The following NTRK2 variants were observed in gnomAD, a reference collection of about 807,000 sequenced individuals.
NTRK2 encodes the protein BDNF/NT-3 growth factors receptor.
A neutral mutation model predicts 94.5 loss-of-function variants in NTRK2; 13 were observed. The observed-to-expected ratio is 0.14, with a 90% CI of 0.09 to 0.22. The LOEUF (loss-of-function observed/expected upper bound fraction) is 0.22, where lower values mean the gene tolerates loss of function less well. Among genes scored for constraint, NTRK2 ranks in the 10% least tolerant of loss-of-function variants. The pLI is 1.00. For missense variants in NTRK2, 639 were observed against 1,071.2 expected (o/e 0.60, Z 5.63); for synonymous variants, 372 against 407.4 (o/e 0.91, Z 1.05).
intron 14 of NTRK2, among the ~76,000 whole-genome samples, chr9:84,925,438 G>T (rs538298070): frequency 6.6e-5 from 10 of 152,032 alleles, no homozygotes; most frequent in Non-Finnish European, 1.0e-4. Flanking sequence ...ACCACCCAGG[G>T]TAGGCTGCCT....
At chr9:84,746,709 A>G (rs907637351) in intron 11 of NTRK2, among the ~76,000 whole-genome samples, 21 of 151,784 alleles carry the variant, frequency 1.4e-4, no homozygotes, top group Admixed American at 9.8e-4. Flanking sequence ...TGCTCTCTCC[A>G]GTGCTCCAGT....
chr9:85,022,863 G>C lies in NTRK2; in HGVS notation c.*1426G>C, dbSNP rs201234723. The C allele has an allele frequency of 4.3e-6, 1 of 233,316 alleles. No individual in the cohort carries two copies. The highest frequency in any genetic ancestry group is 8.5e-6 in the Non-Finnish European group (1 of 118,096). The allele number at this position is 233,316 out of a possible 1,614,324, so 14.5% of individuals were successfully genotyped here. ...CCACGTCGAACCCACAGGACTGTGG[G>C]AAGGGCAGAATCAATCCCTAAGGGA... is the stretch of plus-strand genomic sequence containing the variant. On this transcript the variant is annotated 3_prime_UTR_variant, in exon 19 of 19. Transcript: ENST00000277120.
At chr9:84,787,416 CG>C (rs775712868) in intron 12 of NTRK2, among the ~76,000 whole-genome samples, 1 of 152,068 alleles carries the variant, frequency 6.6e-6, no homozygotes, top group Admixed American at 6.6e-5. Flanking sequence ...ACTCTAGACC[CG>C]GGGGACATGG....
chr9:84,781,912 T>C (rs551699198), intron 12 of NTRK2, among the ~76,000 whole-genome samples: 2 of 152,316 alleles, frequency 1.3e-5, no homozygotes, highest in East Asian at 3.9e-4. Flanking sequence ...AAGTCATTTA[T>C]ATCAAGGCTC....
Position 84,701,930 on chromosome 9 carries a change from G to A in NTRK2, c.213-229G>A, listed in dbSNP as rs58344447. Among the ~76,000 whole-genome samples, 1,186 of 152,322 alleles carry A rather than the reference G, an allele frequency of 7.8e-3. 14 individuals are homozygous for A. The highest frequency in any genetic ancestry group is 0.028 in the African/African-American group (1,147 of 41,574). ...GTTGGGTGAAAGAGTGATGAAACAC[G>A]AGGAGAAATGAAACCCAGTGCAAGG... is the stretch of plus-strand genomic sequence containing the variant. On this transcript the variant is annotated intron_variant, in intron 2 of 18. Transcript: ENST00000277120.
chr9:84,835,883 T>A (rs186541023), intron 12 of NTRK2, among the ~76,000 whole-genome samples: 57 of 152,302 alleles, frequency 3.7e-4, no homozygotes, highest in African/African-American at 1.4e-3. Context: ...CAAATCCTAA[T>A]CTAATATAAA....
intron 14 of NTRK2, among the ~76,000 whole-genome samples, chr9:84,915,704 G>C (rs981286357): frequency 6.6e-6 from 1 of 152,152 alleles, no homozygotes; most frequent in African/African-American, 2.4e-5. Flanking sequence ...GTTGTACTTA[G>C]TGGGAAAAAT....
intron 12 of NTRK2, among the ~76,000 whole-genome samples, chr9:84,769,606 A>G (rs896771780): frequency 4.5e-4 from 68 of 152,360 alleles, no homozygotes; most frequent in African/African-American, 1.5e-3. Flanking sequence ...ATATGCACAT[A>G]TGAAAGAGCC....
chr9:84,690,288 T>C (rs921206725), intron 2 of NTRK2, among the ~76,000 whole-genome samples: 1 of 152,218 alleles, frequency 6.6e-6, no homozygotes, highest in African/African-American at 2.4e-5. Flanking sequence ...CTCTTTGCCA[T>C]GCTTGACCTA....
chr9:84,946,986 C>G (rs1044705720), intron 15 of NTRK2, among the ~76,000 whole-genome samples: 1 of 152,076 alleles, frequency 6.6e-6, no homozygotes, highest in Non-Finnish European at 1.5e-5. Flanking sequence ...GACAGAGTCT[C>G]GCTCTGTCGC....
intron 14 of NTRK2, among the ~76,000 whole-genome samples, chr9:84,931,700 G>A (rs1338439786): frequency 1.4e-5 from 2 of 139,986 alleles, no homozygotes; most frequent in Non-Finnish European, 3.1e-5. Context: ...AAAGAAAGAA[G>A]GTATGTAATA....
chr9:84,893,551 G>A (rs1423533525), intron 14 of NTRK2, among the ~76,000 whole-genome samples: 3 of 151,610 alleles, frequency 2.0e-5, no homozygotes, highest in South Asian at 4.2e-4. Flanking sequence ...GCAGGGCAGC[G>A]TGTGACAGAG....
intron 9 of NTRK2, among the ~76,000 whole-genome samples, chr9:84,735,049 C>T (rs763057350): frequency 1.1e-4 from 17 of 152,096 alleles, no homozygotes; most frequent in Non-Finnish European, 2.2e-4. Context: ...GTCAAAGATA[C>T]CCTGACTCCA....
At chr9:84,993,703 A>G (rs1399268419) in intron 17 of NTRK2, among the ~76,000 whole-genome samples, 1 of 152,188 alleles carries the variant, frequency 6.6e-6, no homozygotes, top group Non-Finnish European at 1.5e-5. Context: ...GTCCTGGTTC[A>G]CATATGACCC....
intron 14 of NTRK2, among the ~76,000 whole-genome samples, chr9:84,913,773 G>A (rs938826996): frequency 1.3e-5 from 2 of 151,854 alleles, no homozygotes; most frequent in African/African-American, 4.8e-5. Context: ...TTTTTTGGAA[G>A]GCTTAGCTTG....
intron 14 of NTRK2, chr9:84,877,249 C>A: frequency 9.4e-7 from 1 of 1,065,814 alleles, no homozygotes. Context: ...TCAGTGTCCT[C>A]TTTAGTTCTC....
Position 84,852,758 on chromosome 9 carries a change from T to C in NTRK2, c.1397-8282T>C, listed in dbSNP as rs746617085. On this transcript the variant is annotated intron_variant, in intron 12 of 18. Transcript: ENST00000277120. ...GTACAAAACAAAAGAGAGAAATAGT[T>C]GGCAAGTTTCTTCTCAAAACTAAAT... is the stretch of plus-strand genomic sequence containing the variant. 7.6e-4 allele frequency among the ~76,000 whole-genome samples: 115 copies of C among 152,240 alleles called. 1 individual carries two copies. The highest frequency in any genetic ancestry group is 2.8e-3 in the Admixed American group (43 of 15,278).
intron 12 of NTRK2, chr9:84,810,605 AG>A (rs2071668131): frequency 6.2e-7 from 1 of 1,613,992 alleles, no homozygotes; most frequent in Non-Finnish European, 8.5e-7. Flanking sequence ...AGACAGAGAA[AG>A]GGGCTGTGGT....
At chr9:84,841,586 T>C (rs1007641170) in intron 12 of NTRK2, among the ~76,000 whole-genome samples, 3 of 152,208 alleles carry the variant, frequency 2.0e-5, no homozygotes, top group African/African-American at 7.2e-5. Flanking sequence ...GGAATGTTTT[T>C]CTCCTCTCCT....
Sources: gnomAD v4.1 joint callset for allele counts (sites outside exome capture counted in the v4.1 genomes callset) on GRCh38, gnomAD v4.1.1 for gene constraint, MANE v1.5 for transcripts, NCBI Gene and HGNC (gene_info 2026-07-23, HGNC 2026-07-21) for gene names.